The following PCDHAC2 variants were observed in gnomAD, a reference collection of about 807,000 sequenced individuals.
The protein encoded by PCDHAC2 is protocadherin alpha subfamily C, 2, also known as protocadherin alpha-C2.
In PCDHAC2, 24 loss-of-function variants were observed where a neutral mutation model predicts 63.3. The observed-to-expected ratio is 0.38, with a 90% CI of 0.27 to 0.53. PCDHAC2 has a LOEUF of 0.53. Ranked by LOEUF, PCDHAC2 falls within the 20% of genes least tolerant of loss-of-function variation. The probability of loss-of-function intolerance (pLI) is 0.81; values close to 1 mark genes in which losing one functional copy is unlikely to be tolerated. For synonymous variants in PCDHAC2, 569 were observed against 529.4 expected, an observed-to-expected ratio of 1.07 and a Z score of -1.03; for missense variants, 1,181 against 1,275.2, an observed-to-expected ratio of 0.93 and a Z score of 1.12.
intron 3 of PCDHAC2, among the ~76,000 whole-genome samples, chr5:140,987,227 AT>A (rs1395687024): frequency 4.6e-5 from 7 of 151,696 alleles, no homozygotes; most frequent in African/African-American, 1.7e-4. Context: ...AAAAAAAAAA[AT>A]AATAAATAAA....
rs116326633 is a variant in PCDHAC2 at position 141,003,488 on chromosome 5, G to A, written c.2714-6139G>A. Reference sequence around the variant, plus strand: ...CACCACAGTCTCGCTAATTTTTATAGTTTTAGTAGAGATGGGGTTTCACCA... The same window carrying A: ...CACCACAGTCTCGCTAATTTTTATAATTTTAGTAGAGATGGGGTTTCACCA... On this transcript the variant is annotated intron_variant, in intron 3 of 3. Transcript: ENST00000289269. 8.1e-3 allele frequency among the ~76,000 whole-genome samples: 1,225 copies of A among 152,062 alleles called. 19 individuals are homozygous for A. The highest frequency in any genetic ancestry group is 0.028 in the African/African-American group (1,155 of 41,502).
At chr5:140,995,267 C>T (rs552857413) in intron 3 of PCDHAC2, among the ~76,000 whole-genome samples, 1 of 152,192 alleles carries the variant, frequency 6.6e-6, no homozygotes, top group Non-Finnish European at 1.5e-5. Context: ...GAATACAAGC[C>T]CTTTGATACC....
In PCDHAC2 at chr5:140,967,690, C is replaced by G. The variant is rs782694266; in HGVS notation, c.924C>G (p.Phe308Leu). Reference sequence around the variant, plus strand: ...CGTCGGACCGGGAGAGGCAGCTCTTCAGCATAGATGCCAGTACCGGGGAAG... The same window carrying G: ...CGTCGGACCGGGAGAGGCAGCTCTTGAGCATAGATGCCAGTACCGGGGAAG... ...SYTSDRERQL[F>L]SIDASTGEVR... is the part of the protein sequence containing the mutation. Residue 308 changes from phenylalanine to leucine, a missense_variant, in exon 1 of 4, where the codon TTC becomes TTG. By Grantham distance (22) the Phe-to-Leu change is conservative. Transcript: ENST00000289269. 6.2e-7 allele frequency: 1 copy of G among 1,614,190 alleles called. No individual in the cohort carries two copies. The highest frequency in any genetic ancestry group is 8.5e-7 in the Non-Finnish European group (1 of 1,180,046).
rs782125763 is a variant in PCDHAC2, at chr5:140,967,357, T to C, written c.591T>C (p.Leu197=). The C allele has an allele frequency of 1.2e-6, 2 of 1,608,222 alleles. No individual in the cohort carries two copies. The highest frequency in any genetic ancestry group is 1.7e-6 in the Non-Finnish European group (2 of 1,175,916). ...CCAGCGAGCACTTCGAGCTGGACCT[T>C]AAGCCCCTGCAGGAGAACAGTAAAG... The part of the protein sequence containing the change: ...LSPSEHFELD[L]KPLQENSKVL... Residue 197 remains leucine, a synonymous_variant, in exon 1 of 4, where the codon CTT becomes CTC. Transcript: ENST00000289269.
At chr5:140,997,615 T>C (rs900460811) in intron 3 of PCDHAC2, among the ~76,000 whole-genome samples, 5 of 152,096 alleles carry the variant, frequency 3.3e-5, no homozygotes, top group Non-Finnish European at 7.3e-5. Context: ...CATGACTATA[T>C]AGAGATTTTC....
chr5:140,968,340 A>G lies in PCDHAC2; in HGVS notation c.1574A>G (p.Asn525Ser). Reference protein sequence around the residue: ...GLPVTSYVSINSASGSLYAVN... With the variant: ...GLPVTSYVSISSASGSLYAVN... ...CCAGTCACCTCCTATGTCTCCATTA[A>G]CAGTGCCAGTGGCAGCCTTTATGCT... The change falls in exon 1 of 4, where the codon AAC (asparagine) becomes AGC (serine). Residue 525 changes from asparagine (N) to serine (S), a missense_variant. By Grantham distance (46) the Asn-to-Ser change is conservative. Around this residue, in one of 3 missense-constraint regions of PCDHAC2, gnomAD observed 968 missense variants for 1,073.5 expected, o/e 0.90. Coordinates refer to ENST00000289269, the MANE Select transcript of PCDHAC2 (RefSeq NM_018899.6). The G allele has an allele frequency of 6.2e-7, 1 of 1,614,136 alleles. No individual in the cohort carries two copies. The highest frequency in any genetic ancestry group is 1.3e-5 in the African/African-American group (1 of 75,064).
At chr5:140,971,968 A>G (rs1049886222) in intron 1 of PCDHAC2, among the ~76,000 whole-genome samples, 3 of 152,124 alleles carry the variant, frequency 2.0e-5, no homozygotes, top group Non-Finnish European at 4.4e-5. Flanking sequence ...CTTTTTTTCA[A>G]TACTATGAGT....
intron 1 of PCDHAC2, among the ~76,000 whole-genome samples, chr5:140,975,601 G>A (rs943598203): frequency 1.2e-4 from 19 of 152,192 alleles, no homozygotes; most frequent in African/African-American, 4.6e-4. Flanking sequence ...GCAATTTGTT[G>A]ATGTCTTCCA....
At chr5:140,999,444 C>A (rs782553983) in intron 3 of PCDHAC2, among the ~76,000 whole-genome samples, 25 of 152,210 alleles carry the variant, frequency 1.6e-4, no homozygotes, top group Non-Finnish European at 3.1e-4. Flanking sequence ...GCCTCTTATT[C>A]GTTCAACGAA....
At chr5:141,006,105 GT>G (rs79904017) in intron 3 of PCDHAC2, among the ~76,000 whole-genome samples, 172 of 143,342 alleles carry the variant, frequency 1.2e-3, no homozygotes, top group East Asian at 2.0e-3. Context: ...ATGGTAAGGA[GT>G]TTTTTTTTTT....
intron 3 of PCDHAC2, among the ~76,000 whole-genome samples, chr5:141,005,701 CAAAAAAAAAAAAAAAAA>C (rs59860837): frequency 2.6e-4 from 2 of 7,786 alleles, no homozygotes; most frequent in East Asian, 6.3e-3. Flanking sequence ...AACTCCGTCT[CAAAAAAAAAAAAAAAAA>C]AAAAAAAAAA....
At chr5:140,978,703 G>A (rs556167285) in intron 1 of PCDHAC2, among the ~76,000 whole-genome samples, 9 of 152,210 alleles carry the variant, frequency 5.9e-5, no homozygotes, top group Non-Finnish European at 1.3e-4. Flanking sequence ...AGCCAAAGGT[G>A]GCCTTTACAA....
intron 2 of PCDHAC2, among the ~76,000 whole-genome samples, chr5:140,981,395 G>A (rs928966988): frequency 5.2e-4 from 79 of 152,210 alleles, no homozygotes; most frequent in African/African-American, 1.9e-3. Context: ...TCAATATGGT[G>A]AAAACCTGTC....
At chr5:140,986,151 G>A (rs547474191) in intron 3 of PCDHAC2, among the ~76,000 whole-genome samples, 1 of 152,198 alleles carries the variant, frequency 6.6e-6, no homozygotes, top group African/African-American at 2.4e-5. Flanking sequence ...GCATCACCAA[G>A]TAATGTTTTC....
rs556593659 is a variant in PCDHAC2, at chr5:140,966,652, G to A, written c.-115G>A. ...CCCAGGCGCTTTCTAGAGCGTGAGC[G>A]GTGGGGGAGCAGGCGCAGGGTGGCA... On this transcript the variant is annotated 5_prime_UTR_variant, in exon 1 of 4. Coordinates refer to ENST00000289269, the MANE Select transcript of PCDHAC2 (RefSeq NM_018899.6). 1.0e-5 allele frequency: 12 copies of A among 1,169,200 alleles called. No homozygotes were observed. In the Admixed American group the frequency reaches 2.0e-4, roughly 19 times the overall value. The allele number at this position is 1,169,200 out of a possible 1,614,324, so 72.4% of individuals were successfully genotyped here.
intron 3 of PCDHAC2, among the ~76,000 whole-genome samples, chr5:141,006,275 G>C (rs782763386): frequency 6.6e-6 from 1 of 151,772 alleles, no homozygotes; most frequent in Non-Finnish European, 1.5e-5. Flanking sequence ...GCAGTGGCAC[G>C]ATCTCAGCTC....
chr5:140,973,812 G>A (rs897592585), intron 1 of PCDHAC2, among the ~76,000 whole-genome samples: 10 of 152,236 alleles, frequency 6.6e-5, no homozygotes, highest in Admixed American at 6.5e-4. Context: ...TGACAGAATA[G>A]CAAAGTCAGT....
intron 3 of PCDHAC2, among the ~76,000 whole-genome samples, chr5:140,988,486 T>C (rs2153874124): frequency 6.6e-6 from 1 of 152,286 alleles, no homozygotes; most frequent in South Asian, 2.1e-4. Context: ...TAGCATCCCC[T>C]ACCTAGGAGA....
At chr5:141,005,470 G>A (rs1563690887) in intron 3 of PCDHAC2, among the ~76,000 whole-genome samples, 1 of 151,836 alleles carries the variant, frequency 6.6e-6, no homozygotes, top group South Asian at 2.1e-4. Context: ...TTGGGAGGCC[G>A]AGACGGGCGG....
Sources: allele counts gnomAD v4.1 joint callset (sites outside exome capture counted in the v4.1 genomes callset), GRCh38; gene constraint gnomAD v4.1.1; regional missense constraint gnomAD v4.1.1; transcripts MANE v1.5; gene names NCBI Gene and HGNC (gene_info 2026-07-23, HGNC 2026-07-21).